MAST2: variants seen among roughly 807,000 people sequenced by gnomAD.
MAST2 encodes the protein microtubule-associated serine/threonine-protein kinase 2.
Under a neutral mutation model 147.4 loss-of-function variants are expected in MAST2, and 70 were observed. That is an observed-to-expected ratio of 0.47 (90% CI 0.39 to 0.58). The LOEUF (loss-of-function observed/expected upper bound fraction) is 0.58. MAST2 is among the 20% of genes least tolerant of loss of function. The pLI, the probability that MAST2 is intolerant of heterozygous loss-of-function variation, is 0.00. For missense variants in MAST2, 2,080 were observed against 2,302.3 expected (o/e 0.90, Z 1.98); for synonymous variants, 869 against 896.8 (o/e 0.97, Z 0.55).
intron 26 of MAST2, among the ~76,000 whole-genome samples, chr1:46,033,173 C>T (rs1317256071): frequency 3.3e-5 from 5 of 151,404 alleles, no homozygotes; most frequent in African/African-American, 1.2e-4. Flanking sequence ...ACTCGGGAGG[C>T]TGAGGAAGGA....
At chr1:45,956,120 T>C (rs1411892126) in intron 4 of MAST2, among the ~76,000 whole-genome samples, 9 of 152,304 alleles carry the variant, frequency 5.9e-5, no homozygotes, top group African/African-American at 2.2e-4. Flanking sequence ...AACTAAACAA[T>C]TTGTCCTTGT....
At chr1:45,888,656 G>A (rs1277849993) in intron 4 of MAST2, among the ~76,000 whole-genome samples, 4 of 94,132 alleles carry the variant, frequency 4.2e-5, no homozygotes, top group South Asian at 6.8e-4. Flanking sequence ...GCCACCGCGC[G>A]CGGCCTCTTT....
At chr1:45,892,231 A>T (rs2148408024) in intron 4 of MAST2, among the ~76,000 whole-genome samples, 1 of 152,288 alleles carries the variant, frequency 6.6e-6, no homozygotes, top group South Asian at 2.1e-4. Flanking sequence ...TATTGCCTTG[A>T]ACTGTAAGGA....
At chr1:45,894,457 A>G (rs1375208972) in intron 4 of MAST2, among the ~76,000 whole-genome samples, 1 of 152,170 alleles carries the variant, frequency 6.6e-6, no homozygotes, top group Non-Finnish European at 1.5e-5. Flanking sequence ...GAGGAGCCCT[A>G]TGCTTGCTTG....
chr1:46,022,281 A>G (rs1385986626), intron 12 of MAST2, among the ~76,000 whole-genome samples, 199 bp downstream of exon 12: 1 of 152,226 alleles, frequency 6.6e-6, no homozygotes, highest in African/African-American at 2.4e-5. Context: ...CATCTGCCTG[A>G]TAGATCCCAA....
intron 4 of MAST2, among the ~76,000 whole-genome samples, chr1:45,931,035 C>T (rs1260147556): frequency 6.6e-6 from 1 of 152,160 alleles, no homozygotes; most frequent in Non-Finnish European, 1.5e-5. Flanking sequence ...CATAACAGTA[C>T]AGCCATTAAA....
At chr1:45,973,668 C>G (rs942033401) in intron 5 of MAST2, among the ~76,000 whole-genome samples, 1 of 152,122 alleles carries the variant, frequency 6.6e-6, no homozygotes, top group South Asian at 2.1e-4. Context: ...CTGGGACATT[C>G]CAGTTTTCAG....
chr1:45,828,102 A>AT (rs933379369), intron 2 of MAST2, among the ~76,000 whole-genome samples: 21 of 152,176 alleles, frequency 1.4e-4, no homozygotes, highest in Admixed American at 3.3e-4. Context: ...AAATGCTGGG[A>AT]TTACATGTGT....
chr1:45,953,503 G>A (rs1659229309), intron 4 of MAST2, among the ~76,000 whole-genome samples: 1 of 152,202 alleles, frequency 6.6e-6, no homozygotes. Context: ...TATGTAGTAT[G>A]TTAGAAGATG....
At chr1:45,898,555 C>G (rs550534819) in intron 4 of MAST2, among the ~76,000 whole-genome samples, 1 of 152,114 alleles carries the variant, frequency 6.6e-6, no homozygotes, top group East Asian at 1.9e-4. Flanking sequence ...GAATTTTTAT[C>G]TTCCATGGGA....
intron 5 of MAST2, among the ~76,000 whole-genome samples, chr1:45,969,221 T>C (rs756494023): frequency 2.0e-5 from 3 of 152,340 alleles, no homozygotes; most frequent in Non-Finnish European, 4.4e-5. Context: ...CAAACTATTT[T>C]TTGCTTTTTA....
rs757843440 is a variant in MAST2, at chr1:46,006,336, C to T, written c.843C>T (p.Ser281=). ...HFLTKHFSTE[S]VPDEEGRQSP... ...TGACGAAGCATTTCAGCACAGAGAG[C>T]GTACCAGATGAGGAAGGACGGCAGT... Residue 281 remains serine, a synonymous_variant, in exon 8 of 29, where the codon AGC becomes AGT. Coordinates refer to ENST00000361297, the MANE Select transcript of MAST2 (RefSeq NM_015112.3). 1.9e-5 allele frequency: 30 copies of T among 1,613,904 alleles called. No individual in the cohort carries two copies. The Admixed American group carries it at 4.3e-4, about 23-fold the overall frequency.
chr1:46,033,686 T>C (rs1331979109), intron 26 of MAST2, 116 bp from the exon 27 acceptor site: 3 of 1,318,780 alleles, frequency 2.3e-6, no homozygotes, highest in Admixed American at 2.1e-5. Flanking sequence ...GATGTGTTGG[T>C]GCAGGGACAA....
chr1:45,923,921 GAGTGC>G (rs1653936247), intron 4 of MAST2, among the ~76,000 whole-genome samples: 1 of 152,192 alleles, frequency 6.6e-6, no homozygotes, highest in Admixed American at 6.5e-5. Context: ...ACCTAGGCTG[GAGTGC>G]AGTAGCATGA....
intron 4 of MAST2, among the ~76,000 whole-genome samples, chr1:45,932,289 C>T (rs574235006): frequency 6.6e-6 from 1 of 152,254 alleles, no homozygotes; most frequent in East Asian, 1.9e-4. Flanking sequence ...TTTACAATTT[C>T]ATAATTCTTT....
In MAST2 at chr1:45,832,199, A is replaced by G. The variant is rs1294679362; in HGVS notation, c.468+2618A>G. On this transcript the variant is annotated intron_variant, in intron 3 of 28. Transcript: ENST00000361297. ...CTTTTAACCTCTGGAACCTAAAACA[A>G]ACAAACAAACAAGCAAAAATGGATG... is the stretch of plus-strand genomic sequence containing the variant. Among the ~76,000 whole-genome samples the G allele has an allele frequency of 2.0e-5, 3 of 152,122 alleles. No individual in the cohort carries two copies. In the East Asian group the frequency reaches 5.8e-4, roughly 29 times the overall value.
At chr1:45,983,243 A>G (rs1644483346) in intron 5 of MAST2, among the ~76,000 whole-genome samples, 1 of 152,192 alleles carries the variant, frequency 6.6e-6, no homozygotes, top group Non-Finnish European at 1.5e-5. Context: ...TACAGTATTT[A>G]CCTTATTTAT....
At chr1:45,921,153 G>A (rs1462276489) in intron 4 of MAST2, among the ~76,000 whole-genome samples, 1 of 152,054 alleles carries the variant, frequency 6.6e-6, no homozygotes, top group Non-Finnish European at 1.5e-5. Context: ...CCGCCACCAC[G>A]CCCAGCTAAT....
rs1571304952 is a variant in MAST2, at chr1:46,033,692, GAC to G, written c.3538-108_3538-107del. On this transcript the variant is annotated intron_variant, in intron 26 of 28. Transcript: ENST00000361297. ...TGTGGTTCAGATGTGTTGGTGCAGGGACAAAAAGCTGGAGCTGTGGTATAGCC... is the reference window on the plus strand; with the variant it reads ...TGTGGTTCAGATGTGTTGGTGCAGGGAAAAAGCTGGAGCTGTGGTATAGCC... 7 of 1,393,258 alleles carry G rather than the reference GAC, an allele frequency of 5.0e-6. No homozygotes were observed. In the East Asian group the frequency reaches 1.6e-4, roughly 32 times the overall value. 86.3% of individuals were successfully genotyped at this position (1,393,258 alleles called of 1,614,324 possible).
Sources: allele counts gnomAD v4.1 joint callset (sites outside exome capture counted in the v4.1 genomes callset), GRCh38; gene constraint gnomAD v4.1.1; transcripts MANE v1.5; gene names NCBI Gene and HGNC (gene_info 2026-07-23, HGNC 2026-07-21).